AGL: variants seen among roughly 807,000 people sequenced by gnomAD.
AGL encodes glycogen debranching enzyme.
A neutral mutation model predicts 199.3 loss-of-function variants in AGL; 128 were observed. That is an observed-to-expected ratio of 0.64 (90% CI 0.56 to 0.74). The LOEUF (loss-of-function observed/expected upper bound fraction) is 0.74, where lower values mean the gene tolerates loss of function less well. Ranked by LOEUF, AGL falls within the 30% of genes least tolerant of loss-of-function variation. The probability of loss-of-function intolerance (pLI) is 0.00; values close to 1 mark genes in which losing one functional copy is unlikely to be tolerated. For missense variants in AGL, 1,809 were observed against 1,820.8 expected, an observed-to-expected ratio of 0.99 and a Z score of 0.12; for synonymous variants, 584 against 594.7, an observed-to-expected ratio of 0.98 and a Z score of 0.26.
chr1:99,884,329 T>C lies in AGL; in HGVS notation c.2434-10T>C. 1 of 1,612,914 alleles carries C rather than the reference T, an allele frequency of 6.2e-7. No individual in the cohort carries two copies. Among genetic ancestry groups the C allele is most frequent in the Non-Finnish European group, 8.5e-7 (1 of 1,179,204 alleles). ...GTTGAATGGATTTTTTTAATGTACT[T>C]TTTTTCAAGCTTAATGAAAGTAAAA... On this transcript the variant is annotated splice_polypyrimidine_tract_variant and intron_variant, in intron 18 of 33. Coordinates refer to ENST00000361915, the MANE Select transcript of AGL (RefSeq NM_000642.3).
chr1:99,892,910 A>G (rs1468808608), intron 24 of AGL, among the ~76,000 whole-genome samples: 3 of 151,904 alleles, frequency 2.0e-5, no homozygotes, highest in African/African-American at 7.3e-5. Context: ...TCTCTTTTCT[A>G]TATTTTCCCC....
At position 99,879,942 on chromosome 1, in the gene AGL, G is replaced by C. The variant is rs1411076418; in HGVS notation, c.1631G>C (p.Arg544Thr). 5 of 1,613,394 alleles carry C rather than the reference G, an allele frequency of 3.1e-6. No individual in the cohort carries two copies. Among genetic ancestry groups the C allele is most frequent in the Non-Finnish European group, 3.4e-6 (4 of 1,179,688 alleles). The change falls in exon 13 of 34, where the codon AGG (arginine) becomes ACG (threonine). Residue 544 changes from arginine to threonine, a missense_variant. By Grantham distance (71) the Arg-to-Thr change is moderately conservative (BLOSUM62 -1). Coordinates refer to ENST00000361915, the MANE Select transcript of AGL (RefSeq NM_000642.3). ...TTACAGTACATGTTGGATGCTGCTA[G>C]GAATTTGCAACCCAATTTATATGTA... Reference protein sequence around the residue: ...HVAEYMLDAARNLQPNLYVVA... With the variant: ...HVAEYMLDAATNLQPNLYVVA...
intron 7 of AGL, among the ~76,000 whole-genome samples, chr1:99,873,833 C>T (rs1651233981): frequency 6.6e-6 from 1 of 152,108 alleles, no homozygotes; most frequent in Admixed American, 6.6e-5. Flanking sequence ...CGTGAATAAC[C>T]ACTACACTAT....
intron 25 of AGL, 48 bp downstream of exon 25, chr1:99,896,436 CT>C (rs1434934533): frequency 2.3e-5 from 31 of 1,332,508 alleles, no homozygotes; most frequent in Non-Finnish European, 3.1e-5. Flanking sequence ...GTCTGAATGT[CT>C]TTTACATGCT....
chr1:99,896,490 A>C, intron 25 of AGL, 102 bp downstream of exon 25: 2 of 921,570 alleles, frequency 2.2e-6, no homozygotes, highest in South Asian at 2.7e-5. Context: ...AACATTTGGG[A>C]GCTGTATTTT....
intron 2 of AGL, among the ~76,000 whole-genome samples, chr1:99,857,847 A>AGGGAGACCGTGGGGAGGGGGAGGGG (rs1649685231): frequency 1.2e-4 from 1 of 8,226 alleles, no homozygotes; most frequent in Non-Finnish European, 2.4e-4. Context: ...GGGGAGGGGG[A>AGGGAGACCGTGGGGAGGGGGAGGGG]GGGGGGAAGA....
Position 99,862,438 on chromosome 1 carries a change from C to T in AGL, c.460+15C>T, listed in dbSNP as rs563087800. The T allele has an allele frequency of 1.9e-6, 3 of 1,613,098 alleles. No homozygotes were observed. The South Asian group carries it at 3.3e-5, about 18-fold the overall frequency. On this transcript the variant is annotated intron_variant, in intron 4 of 33. Transcript: ENST00000361915. ...AAAAGAATCAGGTAATGTCAGCTTG[C>T]TTTCTTTTTCTTATTTAAAAAAATA...
In AGL at chr1:99,910,776, T is replaced by C. The variant is rs1172247741; in HGVS notation, c.3765T>C (p.Asn1255=). The C allele has an allele frequency of 1.2e-6, 2 of 1,612,940 alleles. No individual in the cohort carries two copies. The highest frequency in any genetic ancestry group is 1.7e-6 in the Non-Finnish European group (2 of 1,179,224). Residue 1255 remains asparagine, a synonymous_variant, in exon 28 of 34, where the codon AAT becomes AAC. Transcript: ENST00000361915. ...TGFVYGGNRF[N]CGTWMDKMGE... is the part of the protein sequence containing the mutation. ...TTGTTTATGGAGGAAATCGTTTCAA[T>C]TGTGGCACATGGATGGATAAAATGG... is the stretch of plus-strand genomic sequence containing the variant.
chr1:99,894,879 T>C (rs1653180771), intron 24 of AGL, among the ~76,000 whole-genome samples: 1 of 152,226 alleles, frequency 6.6e-6, no homozygotes, highest in Admixed American at 6.5e-5. Context: ...AGGTTTCTAC[T>C]CATAGGTCTT....
intron 5 of AGL, among the ~76,000 whole-genome samples, chr1:99,866,772 T>A (rs1650545137): frequency 6.6e-6 from 1 of 152,162 alleles, no homozygotes; most frequent in Admixed American, 6.5e-5. Context: ...TTGCAAATCG[T>A]AATATCCTTT....
At chr1:99,893,371 A>G (rs879489524) in intron 24 of AGL, among the ~76,000 whole-genome samples, 3 of 152,348 alleles carry the variant, frequency 2.0e-5, no homozygotes, top group African/African-American at 4.8e-5. Flanking sequence ...TCCATTAAAA[A>G]TGTTCATGAA....
rs762204351 is a variant in AGL, at chr1:99,851,106, C to T, written c.64C>T (p.Leu22Phe). The change falls in exon 2 of 34, where the codon CTC (leucine) becomes TTC (phenylalanine). Residue 22 changes from leucine (L) to phenylalanine (F), a missense_variant. By Grantham distance (22) the Leu-to-Phe change is conservative. Transcript: ENST00000361915. ...LNEMEKLEKT[L>F]FRLEQGYELQ... is the part of the protein sequence containing the mutation. ...CGAAATGGAGAAACTGGAAAAGACC[C>T]TCTTCAGACTTGAACAAGGTCAGTA... The T allele has an allele frequency of 1.2e-6, 2 of 1,613,972 alleles. No homozygotes were observed. Among genetic ancestry groups the T allele is most frequent in the South Asian group, 1.1e-5 (1 of 91,082 alleles).
rs145604857 is a variant in AGL at position 99,888,204 on chromosome 1, A to G, written c.2812+96A>G. ...ATAGATATAGGCTCAGAGTATGCCT[A>G]CTTGGGTTGCAATTATGGCTCTGCT... On this transcript the variant is annotated intron_variant, in intron 21 of 33. Coordinates refer to ENST00000361915, the MANE Select transcript of AGL (RefSeq NM_000642.3). 16,488 of 1,516,974 alleles carry G rather than the reference A, an allele frequency of 0.011. 126 individuals are homozygous for G. The highest frequency in any genetic ancestry group is 0.012 in the Non-Finnish European group (13,777 of 1,110,472). 94.0% of individuals were successfully genotyped at this position (1,516,974 alleles called of 1,614,324 possible).
At position 99,923,479 on chromosome 1, in the gene AGL, G is replaced by A. The variant is rs562434336; in HGVS notation, c.*1828G>A. ...ACAATTTTTTTAATGTAGCCATTTG[G>A]GGTTATCTCTAGTAAGGCAGATACC... is the stretch of plus-strand genomic sequence containing the variant. On this transcript the variant is annotated 3_prime_UTR_variant, in exon 34 of 34. Transcript: ENST00000361915. 7.2e-5 allele frequency: 11 copies of A among 152,096 alleles called. No individual in the cohort carries two copies. The highest frequency in any genetic ancestry group is 6.6e-4 in the Admixed American group (10 of 15,258). 9.4% of individuals were successfully genotyped at this position (152,096 alleles called of 1,614,324 possible).
chr1:99,881,056 T>A lies in AGL; in HGVS notation c.1900-20T>A, dbSNP rs1160591352. 3.1e-6 allele frequency: 5 copies of A among 1,589,606 alleles called. No individual in the cohort carries two copies. The highest frequency in any genetic ancestry group is 4.3e-6 in the Non-Finnish European group (5 of 1,158,096). ...ATTTGAAAGAAAGCAAACTTTTGCT[T>A]TGTTGTTGTTGTCTTCTAGCATAGA... On this transcript the variant is annotated intron_variant, in intron 14 of 33. Transcript: ENST00000361915.
chr1:99,861,542 G>C lies in AGL; in HGVS notation c.122G>C (p.Gly41Ala). Residue 41 changes from glycine (G) to alanine (A), a missense_variant, in exon 3 of 34, where the codon GGA (glycine) becomes GCA (alanine). Physicochemically the swap from Gly to Ala is moderately conservative, Grantham distance 60 (BLOSUM62 0). Transcript: ENST00000361915. ...LQFRLGPTLQ[G>A]KAVTVYTNYP... ...TTCCGATTAGGCCCAACTTTACAGG[G>C]AAAAGCAGTTACCGTGTATACAAAT... 1 of 1,613,946 alleles carries C rather than the reference G, an allele frequency of 6.2e-7. No homozygotes were observed. The highest frequency in any genetic ancestry group is 2.2e-5 in the East Asian group (1 of 44,832).
chr1:99,861,720 C>G lies in AGL; in HGVS notation c.293+7C>G, dbSNP rs777847856. The G allele has an allele frequency of 3.7e-6, 6 of 1,613,116 alleles. No individual in the cohort carries two copies. Among genetic ancestry groups the G allele is most frequent in the Non-Finnish European group, 5.1e-6 (6 of 1,179,540 alleles). On this transcript the variant is annotated splice_region_variant and intron_variant, in intron 3 of 33. Coordinates refer to ENST00000361915, the MANE Select transcript of AGL (RefSeq NM_000642.3). Reference sequence around the variant, plus strand: ...AGTATTATTTCCTTCAAGGGTAAGTCAGGTGTTTTGTTTGTGAGAAAAAAA... The same window carrying G: ...AGTATTATTTCCTTCAAGGGTAAGTGAGGTGTTTTGTTTGTGAGAAAAAAA...
chr1:99,902,704 A>G lies in AGL; in HGVS notation c.3610A>G (p.Ile1204Val). ...ACAGGATCAGCCATTGTTTGAAGTC[A>G]TACAGGAAGCAATGCAAAAACACAT... ...GTLDQPLFEV[I>V]QEAMQKHMQG... The change falls in exon 27 of 34, where the codon ATA becomes GTA. Residue 1204 changes from isoleucine (I) to valine (V), a missense_variant. By Grantham distance (29) the Ile-to-Val change is conservative (BLOSUM62 3). Coordinates refer to ENST00000361915, the MANE Select transcript of AGL (RefSeq NM_000642.3). 1 of 1,613,346 alleles carries G rather than the reference A, an allele frequency of 6.2e-7. No homozygotes were observed. Among genetic ancestry groups the G allele is most frequent in the Non-Finnish European group, 8.5e-7 (1 of 1,179,394 alleles).
At chr1:99,880,898 C>G in intron 14 of AGL, 103 bp downstream of exon 14, 1 of 1,408,772 alleles carries the variant, frequency 7.1e-7, no homozygotes, top group Admixed American at 1.7e-5. Context: ...AAAATAGTGT[C>G]TTAGATTTAT....
Sources: gnomAD v4.1 joint callset for allele counts (sites outside exome capture counted in the v4.1 genomes callset) on GRCh38, gnomAD v4.1.1 for gene constraint, MANE v1.5 for transcripts, NCBI Gene and HGNC (gene_info 2026-07-23, HGNC 2026-07-21) for gene names.